Variants in ZNF683 observed in about 807,000 individuals in gnomAD.
ZNF683 encodes the protein zinc finger protein 683.
Under a neutral mutation model 31.4 loss-of-function variants are expected in ZNF683, and 20 were observed. That is an observed-to-expected ratio of 0.64 (90% CI 0.45 to 0.93). The LOEUF (loss-of-function observed/expected upper bound fraction) is 0.93, where lower values mean the gene tolerates loss of function less well. Among genes scored for constraint, ZNF683 ranks in the 40% least tolerant of loss-of-function variants. ZNF683 has a pLI of 0.00. For synonymous variants in ZNF683, 264 were observed against 267.6 expected, an observed-to-expected ratio of 0.99 and a Z score of 0.13; for missense variants, 621 against 637.2, an observed-to-expected ratio of 0.97 and a Z score of 0.27.
At position 26,372,656 on chromosome 1, in the gene ZNF683, C is replaced by G. The variant is rs1257604596; in HGVS notation, c.-15+13G>C. 2 of 1,302,142 alleles carry G rather than the reference C, an allele frequency of 1.5e-6. No homozygotes were observed. The highest frequency in any genetic ancestry group is 5.5e-5 in the East Asian group (1 of 18,026). 80.7% of individuals were successfully genotyped at this position (1,302,142 alleles called of 1,614,324 possible). The stretch of plus-strand genomic sequence containing the variant: ...AAAAACTACTTCCCCTCTATCCGCA[C>G]TTCCCAACCTACTCTGGTGATCATG... On this transcript the variant is annotated intron_variant, in intron 1 of 5. Transcript: ENST00000349618.
intron 3 of ZNF683, among the ~76,000 whole-genome samples, chr1:26,366,786 G>A (rs904096936): frequency 1.3e-5 from 2 of 152,054 alleles, no homozygotes; most frequent in East Asian, 1.9e-4. Context: ...CTCCTGAGTC[G>A]CTGGGACTAC....
chr1:26,363,293 C>A (rs2074432091), intron 4 of ZNF683, 139 bp from the exon 5 acceptor site: 1 of 1,167,930 alleles, frequency 8.6e-7, no homozygotes, highest in Non-Finnish European at 1.2e-6. Context: ...ATACTCTACT[C>A]TTTCTGCTGC....
Position 26,367,581 on chromosome 1 carries a change from C to A in ZNF683, c.319+12G>T. On this transcript the variant is annotated intron_variant, in intron 3 of 5. Coordinates refer to ENST00000349618, the MANE Select transcript of ZNF683 (RefSeq NM_001114759.3). The stretch of plus-strand genomic sequence containing the variant: ...TGCCAGGCGCAGGTGCAGCCCGGTG[C>A]CCTGGGCTTACTCATGCTCAAGGCG... 6.3e-7 allele frequency: 1 copy of A among 1,576,532 alleles called. No individual in the cohort carries two copies. Among genetic ancestry groups the A allele is most frequent in the South Asian group, 1.2e-5 (1 of 84,938 alleles).
At position 26,361,690 on chromosome 1, in the gene ZNF683, G is replaced by C. The variant is rs11583897; in HGVS notation, c.1476C>G (p.Ala492=). Residue 492 remains alanine (A), a synonymous_variant, in exon 6 of 6, where the codon GCC becomes GCG. Transcript: ENST00000349618. ...GKARAVSLSS[A]GTPLVMGQDQ... ...CCTGCCCCATCACCAGGGGAGTCCCGGCACTGCTCAGGCTCACTGCTCTTG... is the reference window on the plus strand; with the variant it reads ...CCTGCCCCATCACCAGGGGAGTCCCCGCACTGCTCAGGCTCACTGCTCTTG... 0.09 allele frequency: 145,089 copies of C among 1,613,740 alleles called. 6,742 individuals carry two copies. Among genetic ancestry groups the C allele is most frequent in the African/African-American group, 0.11 (8,390 of 75,012 alleles).
rs1186434602 is a variant in ZNF683, at chr1:26,364,837, G to A, written c.709C>T (p.Leu237=). ...SYPTMAMPSL[L]MMVNELGHPS... ...TGCCCCAGCTCATTGACCATCATCA[G>A]CAGGCTAGGCATAGCCATGGTGGGG... Residue 237 remains leucine, a synonymous_variant, in exon 4 of 6, where the codon CTG becomes TTG. Coordinates refer to ENST00000349618, the MANE Select transcript of ZNF683 (RefSeq NM_001114759.3). The A allele has an allele frequency of 1.9e-6, 3 of 1,569,434 alleles. No homozygotes were observed. The highest frequency in any genetic ancestry group is 2.6e-6 in the Non-Finnish European group (3 of 1,158,306).
chr1:26,363,046 C>T lies in ZNF683; in HGVS notation c.1123G>A (p.Glu375Lys). Residue 375 changes from glutamate (E) to lysine (K), a missense_variant, in exon 5 of 6, where the codon GAG becomes AAG. Transcript: ENST00000349618. The part of the protein sequence containing the change: ...LQKHHLVHTG[E>K]RPHKCSVCHK... Reference sequence around the variant, plus strand: ...CTCACCGAGCACTTGTGGGGCCGCTCCCCAGTGTGCACCAGGTGGTGCTTC... The same window carrying T: ...CTCACCGAGCACTTGTGGGGCCGCTTCCCAGTGTGCACCAGGTGGTGCTTC... 1.9e-6 allele frequency: 3 copies of T among 1,611,626 alleles called. No individual in the cohort carries two copies. The highest frequency in any genetic ancestry group is 1.1e-5 in the South Asian group (1 of 90,544).
At chr1:26,365,928 C>T (rs763973352) in intron 3 of ZNF683, among the ~76,000 whole-genome samples, 5 of 152,054 alleles carry the variant, frequency 3.3e-5, no homozygotes, top group Admixed American at 6.5e-5. Context: ...CGCCTGTAAT[C>T]CCAGCACTTT....
intron 4 of ZNF683, 127 bp downstream of exon 4, chr1:26,364,405 A>C (rs1464610898): frequency 2.0e-6 from 2 of 1,023,310 alleles, no homozygotes; most frequent in Admixed American, 4.0e-5. Context: ...ATCCAAGGTC[A>C]CTTGGCCCTA....
chr1:26,362,171 G>C, intron 5 of ZNF683, 149 bp from the exon 6 acceptor site: 3 of 1,593,938 alleles, frequency 1.9e-6, no homozygotes, highest in Non-Finnish European at 2.6e-6. Flanking sequence ...TGGAACCCAC[G>C]GTATCTAGCA....
chr1:26,370,675 G>T, intron 1 of ZNF683: 1 of 985,428 alleles, frequency 1.0e-6, no homozygotes, highest in Non-Finnish European at 1.2e-6. Context: ...CTCTCCACTC[G>T]GTGCTGCAGC....
Position 26,365,236 on chromosome 1 carries a change from A to G in ZNF683, c.320-10T>C. ...CCTGGTGGCTCGTGCTCTAAGCAGG[A>G]AAAGGAAGGCGGTCAGATCCCCACA... On this transcript the variant is annotated splice_polypyrimidine_tract_variant and intron_variant, in intron 3 of 5. Coordinates refer to ENST00000349618, the MANE Select transcript of ZNF683 (RefSeq NM_001114759.3). 1 of 1,579,288 alleles carries G rather than the reference A, an allele frequency of 6.3e-7. No individual in the cohort carries two copies. Among genetic ancestry groups the G allele is most frequent in the Non-Finnish European group, 8.6e-7 (1 of 1,164,004 alleles).
intron 5 of ZNF683, among the ~76,000 whole-genome samples, chr1:26,362,636 A>C (rs1335159024): frequency 6.6e-6 from 1 of 152,158 alleles, no homozygotes; most frequent in Non-Finnish European, 1.5e-5. Context: ...GTAAAATGGG[A>C]AAGAACCCCT....
At chr1:26,374,025 C>G (rs548257075), upstream of ZNF683, among the ~76,000 whole-genome samples, 3 of 151,716 alleles carry the variant, frequency 2.0e-5, no homozygotes, top group Non-Finnish European at 2.9e-5. Context: ...CAGCCACCCC[C>G]TCATTTCTTT....
chr1:26,364,817 C>A lies in ZNF683; in HGVS notation c.729G>T (p.Leu243=), dbSNP rs148069404. ...TCTCCCACCGAGCGCTGGGGTGCCC[C>A]AGCTCATTGACCATCATCAGCAGGC... is the stretch of plus-strand genomic sequence containing the variant. ...MPSLLMMVNE[L]GHPSARWETL... The change falls in exon 4 of 6, where the codon CTG becomes CTT. Residue 243 remains leucine (L), a synonymous_variant. Coordinates refer to ENST00000349618, the MANE Select transcript of ZNF683 (RefSeq NM_001114759.3). The A allele has an allele frequency of 1.1e-3, 1,393 of 1,278,654 alleles. 15 individuals carry two copies. The African/African-American group carries it at 0.036, about 33-fold the overall frequency. The allele number at this position is 1,278,654 out of a possible 1,614,324, so 79.2% of individuals were successfully genotyped here.
intron 1 of ZNF683, among the ~76,000 whole-genome samples, chr1:26,368,850 G>A (rs930526126): frequency 2.0e-5 from 3 of 152,222 alleles, no homozygotes; most frequent in African/African-American, 4.8e-5. Context: ...CGTGGCTCAA[G>A]CCTGTAATCC....
In ZNF683 at chr1:26,362,033, C is replaced by T. The variant is rs41285437; in HGVS notation, c.1144-11G>A. ...GCGCTTGTGGCACACCTGACGGGAA[C>T]GAGCACTGGCATCAGCTTTGTCCTC... On this transcript the variant is annotated splice_polypyrimidine_tract_variant and intron_variant, in intron 5 of 5. Coordinates refer to ENST00000349618, the MANE Select transcript of ZNF683 (RefSeq NM_001114759.3). The T allele has an allele frequency of 0.024, 38,555 of 1,613,868 alleles. 587 individuals are homozygous for T. Among genetic ancestry groups the T allele is most frequent in the Non-Finnish European group, 0.029 (34,677 of 1,179,740 alleles).
At chr1:26,367,077 C>T (rs1024426154) in intron 3 of ZNF683, among the ~76,000 whole-genome samples, 1 of 152,170 alleles carries the variant, frequency 6.6e-6, no homozygotes, top group African/African-American at 2.4e-5. Context: ...CCAGCCTGGC[C>T]AACATGGCAA....
chr1:26,364,838 C>A lies in ZNF683; in HGVS notation c.708G>T (p.Leu236=). The A allele has an allele frequency of 6.4e-7, 1 of 1,569,066 alleles. No individual in the cohort carries two copies. Among genetic ancestry groups the A allele is most frequent in the South Asian group, 1.2e-5 (1 of 82,982 alleles). The part of the protein sequence containing the change: ...PSYPTMAMPS[L]LMMVNELGHP... ...GCCCCAGCTCATTGACCATCATCAG[C>A]AGGCTAGGCATAGCCATGGTGGGGT... Residue 236 remains leucine, a synonymous_variant, in exon 4 of 6, where the codon CTG becomes CTT. Transcript: ENST00000349618.
chr1:26,369,850 T>G (rs2074627044), intron 1 of ZNF683, among the ~76,000 whole-genome samples: 1 of 151,818 alleles, frequency 6.6e-6, no homozygotes, highest in East Asian at 1.9e-4. Context: ...ATAAATTAGC[T>G]GGGTGTAGTA....
Sources: allele counts gnomAD v4.1 joint callset (sites outside exome capture counted in the v4.1 genomes callset), GRCh38; gene constraint gnomAD v4.1.1; transcripts MANE v1.5; gene names NCBI Gene and HGNC (gene_info 2026-07-23, HGNC 2026-07-21).